The following MFSD6 variants were observed in gnomAD, a reference collection of about 807,000 sequenced individuals.
The protein encoded by MFSD6 is major facilitator superfamily domain containing 6, also known as major facilitator superfamily domain-containing protein 6.
Under a neutral mutation model 56.3 loss-of-function variants are expected in MFSD6, and 26 were observed. The observed-to-expected ratio is 0.46, with a 90% CI of 0.34 to 0.64. MFSD6 has a LOEUF of 0.64. Among genes scored for constraint, MFSD6 ranks in the 30% least tolerant of loss-of-function variants. The probability of loss-of-function intolerance (pLI) is 0.01; values close to 1 mark genes in which losing one functional copy is unlikely to be tolerated. For missense variants in MFSD6, 750 were observed against 986.2 expected (o/e 0.76, Z 3.21); for synonymous variants, 331 against 366.9 (o/e 0.90, Z 1.12).
rs539174543 is a variant in MFSD6 at position 190,412,028 on chromosome 2, G to T, written c.-175-3264G>T. On this transcript the variant is annotated intron_variant, in intron 1 of 7. Transcript: ENST00000392328. This position sits in a 1 kb window ranked among gnomAD's most constrained non-coding sequence, Gnocchi z 4.1. The stretch of plus-strand genomic sequence containing the variant: ...AATTATGGCATTCTGGATGACTTTA[G>T]GTATAATTATTTTTAGTAACAATTT... 6.0e-5 allele frequency: 59 copies of T among 985,198 alleles called. No individual in the cohort carries two copies. The African/African-American group carries it at 9.4e-4, about 16-fold the overall frequency. The allele number at this position is 985,198 out of a possible 1,614,324, so 61.0% of individuals were successfully genotyped here. A position where few individuals can be genotyped will look rare whatever the true frequency, so the allele number is the denominator to read the frequency against.
chr2:190,473,622 T>G (rs1162684651), intron 4 of MFSD6, among the ~76,000 whole-genome samples: 11 of 152,034 alleles, frequency 7.2e-5, no homozygotes, highest in Admixed American at 2.6e-4. Context: ...CAATAATAAT[T>G]GGAGACTTTA....
At chr2:190,493,138 C>G (rs573646498) in intron 6 of MFSD6, among the ~76,000 whole-genome samples, 2 of 151,944 alleles carry the variant, frequency 1.3e-5, no homozygotes, top group Non-Finnish European at 2.9e-5. Flanking sequence ...TCAAGAGACT[C>G]GCCTAACACA....
chr2:190,457,663 A>T lies in MFSD6; in HGVS notation c.1533-12095A>T, dbSNP rs549608684. Among the ~76,000 whole-genome samples the T allele has an allele frequency of 1.6e-4, 24 of 152,314 alleles. No individual in the cohort carries two copies. The highest frequency in any genetic ancestry group is 5.5e-4 in the African/African-American group (23 of 41,582). The stretch of plus-strand genomic sequence containing the variant: ...TAAAAGATGTGGCTGTTATTGCTGA[A>T]ATATTTGCATTTAATTTAATGGTAG... On this transcript the variant is annotated intron_variant, in intron 3 of 7. Transcript: ENST00000392328. This position sits in a 1 kb window ranked among gnomAD's most constrained non-coding sequence, Gnocchi z 5.1.
chr2:190,483,881 TCATAA>T (rs1330197481), intron 4 of MFSD6, among the ~76,000 whole-genome samples: 2 of 149,802 alleles, frequency 1.3e-5, no homozygotes, highest in Non-Finnish European at 3.0e-5. Flanking sequence ...TTAATGTTAC[TCATAA>T]TTATTTTTAA....
Position 190,467,377 on chromosome 2 carries a change from C to T in MFSD6, c.1533-2381C>T, listed in dbSNP as rs1218126108. Among the ~76,000 whole-genome samples, 1 of 111,166 alleles carries T rather than the reference C, an allele frequency of 9.0e-6. No individual in the cohort carries two copies. Among genetic ancestry groups the T allele is most frequent in the East Asian group, 2.6e-4 (1 of 3,776 alleles). 72.9% of individuals were successfully genotyped at this position (111,166 alleles called of 152,430 possible). On this transcript the variant is annotated intron_variant, in intron 3 of 7. Coordinates refer to ENST00000392328, the MANE Select transcript of MFSD6 (RefSeq NM_017694.4). The surrounding 1 kb of genome is among the most constrained non-coding windows in gnomAD (Gnocchi z 5.5). ...CCTGTAATTCCAGCATTTTGGGAGG[C>T]CGAGGTGGGCGGACTACCTGAGGTC...
Position 190,443,926 on chromosome 2 carries a change from C to T in MFSD6, c.1532+6365C>T, listed in dbSNP as rs1574119149. Among the ~76,000 whole-genome samples, 1 of 152,096 alleles carries T rather than the reference C, an allele frequency of 6.6e-6. No individual in the cohort carries two copies. Among genetic ancestry groups the T allele is most frequent in the East Asian group, 1.9e-4 (1 of 5,190 alleles). On this transcript the variant is annotated intron_variant, in intron 3 of 7. Coordinates refer to ENST00000392328, the MANE Select transcript of MFSD6 (RefSeq NM_017694.4). This position sits in a 1 kb window ranked among gnomAD's most constrained non-coding sequence, Gnocchi z 4.2. ...CATTAGCTGGGCATGGTGTCACACG[C>T]CTGTAGTCCCAGTTACTTGGGAGCC...
Position 190,423,661 on chromosome 2 carries a change from G to A in MFSD6, c.-54+8248G>A, listed in dbSNP as rs1314444321. 6.6e-6 allele frequency among the ~76,000 whole-genome samples: 1 copy of A among 152,186 alleles called. No individual in the cohort carries two copies. Among genetic ancestry groups the A allele is most frequent in the Non-Finnish European group, 1.5e-5 (1 of 68,022 alleles). ...TTATCTGGAATAAATTCCCAGAAGT[G>A]TAATTACTGGGTTTTATGGTAATCA... On this transcript the variant is annotated intron_variant, in intron 2 of 7. Coordinates refer to ENST00000392328, the MANE Select transcript of MFSD6 (RefSeq NM_017694.4). The surrounding 1 kb of genome is among the most constrained non-coding windows in gnomAD (Gnocchi z 4.3).
intron 4 of MFSD6, among the ~76,000 whole-genome samples, chr2:190,479,259 C>T (rs1253459475): frequency 6.6e-6 from 1 of 152,178 alleles, no homozygotes; most frequent in Non-Finnish European, 1.5e-5. Context: ...TATTCTCTTG[C>T]AGCTATATCT....
chr2:190,423,030 C>G lies in MFSD6; in HGVS notation c.-54+7617C>G, dbSNP rs1685678457. Among the ~76,000 whole-genome samples the G allele has an allele frequency of 6.6e-6, 1 of 152,130 alleles. No homozygotes were observed. Among genetic ancestry groups the G allele is most frequent in the Non-Finnish European group, 1.5e-5 (1 of 68,010 alleles). ...CCAAAATTCCTTCTAGTCACTATCT[C>G]CCTTAAGGGTAACCCCTATCCTAAC... On this transcript the variant is annotated intron_variant, in intron 2 of 7. Transcript: ENST00000392328. This position sits in a 1 kb window ranked among gnomAD's most constrained non-coding sequence, Gnocchi z 4.3.
rs1471392444 is a variant in MFSD6 at position 190,461,283 on chromosome 2, G to T, written c.1533-8475G>T. 5.9e-5 allele frequency among the ~76,000 whole-genome samples: 9 copies of T among 152,216 alleles called. No homozygotes were observed. Among genetic ancestry groups the T allele is most frequent in the Admixed American group, 3.9e-4 (6 of 15,282 alleles). ...GACTTGATGTCTGTTCATTCTTTGA[G>T]AAAGTAGACATGCACTTGGAAAAAC... is the stretch of plus-strand genomic sequence containing the variant. On this transcript the variant is annotated intron_variant, in intron 3 of 7. Transcript: ENST00000392328. This position sits in a 1 kb window ranked among gnomAD's most constrained non-coding sequence, Gnocchi z 5.5.
Position 190,408,453 on chromosome 2 carries a change from G to T in MFSD6, c.-226G>T. 1.3e-5 allele frequency: 2 copies of T among 151,540 alleles called. No homozygotes were observed. Among genetic ancestry groups the T allele is most frequent in the South Asian group, 3.6e-4 (2 of 5,536 alleles). 9.4% of individuals were successfully genotyped at this position (151,540 alleles called of 1,614,324 possible). ...CCGAGCCGCCGCCCCGTGCTCCGGG[G>T]ACAGGGCTCCCCGCGCCCCGCGCAG... On this transcript the variant is annotated 5_prime_UTR_variant, in exon 1 of 8. Coordinates refer to ENST00000392328, the MANE Select transcript of MFSD6 (RefSeq NM_017694.4).
upstream of MFSD6, among the ~76,000 whole-genome samples, chr2:190,407,640 A>G (rs563706430): frequency 6.6e-6 from 1 of 152,304 alleles, no homozygotes; most frequent in African/African-American, 2.4e-5. This position sits in a 1 kb window ranked among gnomAD's most constrained non-coding sequence, Gnocchi z 5.4. Flanking sequence ...TTAACTAGAA[A>G]TACAACTTTA....
intron 3 of MFSD6, among the ~76,000 whole-genome samples, chr2:190,446,382 T>A (rs1686584708): frequency 6.6e-6 from 1 of 152,238 alleles, no homozygotes; most frequent in Admixed American, 6.5e-5. Context: ...CAGAGTGTTC[T>A]GTCCGACAGA....
In MFSD6 at chr2:190,492,476, G is replaced by T. The variant is rs1689414068; in HGVS notation, c.1891+2610G>T. Among the ~76,000 whole-genome samples the T allele has an allele frequency of 6.6e-6, 1 of 152,146 alleles. No homozygotes were observed. The highest frequency in any genetic ancestry group is 1.5e-5 in the Non-Finnish European group (1 of 68,032). On this transcript the variant is annotated intron_variant, in intron 6 of 7. Coordinates refer to ENST00000392328, the MANE Select transcript of MFSD6 (RefSeq NM_017694.4). The surrounding 1 kb of genome is among the most constrained non-coding windows in gnomAD (Gnocchi z 5.2). ...AGCAGAAACCCTACAAGCTAGAAGGGATTGAGGCCCTATGTTCAGCCTCAT... is the reference window on the plus strand; with the variant it reads ...AGCAGAAACCCTACAAGCTAGAAGGTATTGAGGCCCTATGTTCAGCCTCAT...
intron 4 of MFSD6, among the ~76,000 whole-genome samples, chr2:190,478,425 C>T (rs540286566): frequency 6.6e-6 from 1 of 152,304 alleles, no homozygotes; most frequent in South Asian, 2.1e-4. Flanking sequence ...ATGCCCACCC[C>T]ATGGAAAACA....
At chr2:190,475,626 G>T (rs1688256194) in intron 4 of MFSD6, among the ~76,000 whole-genome samples, 1 of 152,110 alleles carries the variant, frequency 6.6e-6, no homozygotes, top group Non-Finnish European at 1.5e-5. Context: ...CGTGAAAATG[G>T]CCATACTGCC....
chr2:190,496,695 C>T lies in MFSD6; in HGVS notation c.1892-744C>T, dbSNP rs1433523057. Among the ~76,000 whole-genome samples, 2 of 151,526 alleles carry T rather than the reference C, an allele frequency of 1.3e-5. No homozygotes were observed. The highest frequency in any genetic ancestry group is 2.9e-5 in the Non-Finnish European group (2 of 67,816). ...GTGTGTGTGTATATACACACACACA[C>T]ATATACATACATACACAATGGAATA... is the stretch of plus-strand genomic sequence containing the variant. On this transcript the variant is annotated intron_variant, in intron 6 of 7. Coordinates refer to ENST00000392328, the MANE Select transcript of MFSD6 (RefSeq NM_017694.4). This position sits in a 1 kb window ranked among gnomAD's most constrained non-coding sequence, Gnocchi z 4.7.
chr2:190,458,984 G>A lies in MFSD6; in HGVS notation c.1533-10774G>A, dbSNP rs1376646168. Among the ~76,000 whole-genome samples, 1 of 152,188 alleles carries A rather than the reference G, an allele frequency of 6.6e-6. No homozygotes were observed. Among genetic ancestry groups the A allele is most frequent in the African/African-American group, 2.4e-5 (1 of 41,448 alleles). On this transcript the variant is annotated intron_variant, in intron 3 of 7. Coordinates refer to ENST00000392328, the MANE Select transcript of MFSD6 (RefSeq NM_017694.4). This position sits in a 1 kb window ranked among gnomAD's most constrained non-coding sequence, Gnocchi z 5.3. ...AGCAGAAGGTAAAACAAGAACATCT[G>A]TTGTACTGACTGCTCCCAAGTCTGA... is the stretch of plus-strand genomic sequence containing the variant.
chr2:190,440,953 C>T (rs573618324), intron 3 of MFSD6, among the ~76,000 whole-genome samples: 3 of 152,278 alleles, frequency 2.0e-5, no homozygotes, highest in South Asian at 4.1e-4. Flanking sequence ...GGCTTCAGCA[C>T]AGCCAAGGAC....
Sources: allele counts gnomAD v4.1 joint callset (sites outside exome capture counted in the v4.1 genomes callset), GRCh38; gene constraint gnomAD v4.1.1; non-coding constraint Gnocchi (gnomAD v3.1); transcripts MANE v1.5; gene names NCBI Gene and HGNC (gene_info 2026-07-23, HGNC 2026-07-21).